The following GRIA4 variants were observed in gnomAD, a reference collection of about 807,000 sequenced individuals.
GRIA4 encodes the protein glutamate ionotropic receptor AMPA type subunit 4, also known as glutamate receptor 4.
GRIA4 carries 34 observed loss-of-function variants against 104.0 expected under a neutral mutation model. The observed-to-expected ratio is 0.33, with a 90% CI of 0.25 to 0.44. The LOEUF is 0.44. Ranked by LOEUF, GRIA4 falls within the 20% of genes least tolerant of loss-of-function variation. The probability of loss-of-function intolerance (pLI) is 1.00; values close to 1 mark genes in which losing one functional copy is unlikely to be tolerated. For synonymous variants in GRIA4, 386 were observed against 381.9 expected (o/e 1.01, Z -0.13); for missense variants, 750 against 1,096.5 (o/e 0.68, Z 4.46).
intron 3 of GRIA4, among the ~76,000 whole-genome samples, chr11:105,694,572 A>G (rs1225066078): frequency 1.3e-5 from 2 of 152,088 alleles, no homozygotes; most frequent in Non-Finnish European, 2.9e-5. Flanking sequence ...ATTCTTTAAA[A>G]TCTTCAAAAT....
At chr11:105,937,862 TG>T (rs1948085464) in intron 14 of GRIA4, among the ~76,000 whole-genome samples, 1 of 152,186 alleles carries the variant, frequency 6.6e-6, no homozygotes, top group Non-Finnish European at 1.5e-5. Context: ...CAGTTGTACT[TG>T]GCAATGCCAA....
At chr11:105,794,442 TG>T (rs1942362848) in intron 4 of GRIA4, among the ~76,000 whole-genome samples, 1 of 121,874 alleles carries the variant, frequency 8.2e-6, no homozygotes, top group Non-Finnish European at 1.7e-5. Flanking sequence ...GGTGTGTGTG[TG>T]TGTGTGTGTC....
At chr11:105,749,456 G>C (rs1939869235) in intron 3 of GRIA4, among the ~76,000 whole-genome samples, 2 of 152,250 alleles carry the variant, frequency 1.3e-5, no homozygotes, top group South Asian at 4.1e-4. Context: ...ACAGGAGAAA[G>C]AGAAGGGCCA....
intron 4 of GRIA4, among the ~76,000 whole-genome samples, chr11:105,852,390 A>G (rs1944843695): frequency 2.0e-5 from 3 of 152,190 alleles, no homozygotes; most frequent in Non-Finnish European, 4.4e-5. Flanking sequence ...TATAGAAAAG[A>G]TTATCATGAC....
At chr11:105,744,431 A>G (rs1939518282) in intron 3 of GRIA4, among the ~76,000 whole-genome samples, 1 of 152,184 alleles carries the variant, frequency 6.6e-6, no homozygotes. Context: ...AGTTATATTC[A>G]TATCGAAAAA....
intron 3 of GRIA4, among the ~76,000 whole-genome samples, chr11:105,631,512 T>C (rs778181310): frequency 1.3e-5 from 2 of 152,248 alleles, no homozygotes; most frequent in East Asian, 3.8e-4. Flanking sequence ...TATTGTCTCA[T>C]AGATAACAAA....
intron 4 of GRIA4, among the ~76,000 whole-genome samples, chr11:105,816,512 T>A (rs938654925): frequency 6.6e-6 from 1 of 152,166 alleles, no homozygotes; most frequent in African/African-American, 2.4e-5. Context: ...TCTGCTATGA[T>A]TGTAAGCTTC....
chr11:105,687,642 C>T (rs1390272982), intron 3 of GRIA4, among the ~76,000 whole-genome samples: 1 of 152,154 alleles, frequency 6.6e-6, no homozygotes, highest in Non-Finnish European at 1.5e-5. Flanking sequence ...AGATATAAAG[C>T]ATCTTGGACA....
At chr11:105,884,493 T>C (rs907242998) in intron 5 of GRIA4, among the ~76,000 whole-genome samples, 1 of 152,200 alleles carries the variant, frequency 6.6e-6, no homozygotes, top group African/African-American at 2.4e-5. Flanking sequence ...TCGAATTTTT[T>C]CACAAAGAAA....
chr11:105,815,935 G>T (rs1263405686), intron 4 of GRIA4, among the ~76,000 whole-genome samples: 1 of 152,122 alleles, frequency 6.6e-6, no homozygotes, highest in East Asian at 1.9e-4. Context: ...TTCCAGGAAT[G>T]AATTTAATTA....
intron 3 of GRIA4, among the ~76,000 whole-genome samples, chr11:105,710,887 T>C (rs965801246): frequency 1.8e-4 from 28 of 152,252 alleles, no homozygotes; most frequent in African/African-American, 6.0e-4. Context: ...AAATGGGTTA[T>C]ATTTTCATTT....
At chr11:105,759,888 C>G (rs1430885828) in intron 4 of GRIA4, among the ~76,000 whole-genome samples, 3 of 152,100 alleles carry the variant, frequency 2.0e-5, no homozygotes, top group Non-Finnish European at 2.9e-5. Flanking sequence ...ATGTCTTCAT[C>G]ATCAGGCTTT....
chr11:105,929,621 T>C (rs1468325522), intron 13 of GRIA4, among the ~76,000 whole-genome samples: 2 of 152,136 alleles, frequency 1.3e-5, no homozygotes, highest in East Asian at 3.9e-4. Context: ...AGTGAAACTG[T>C]GAATGCATAA....
At chr11:105,836,878 C>T (rs973898979) in intron 4 of GRIA4, among the ~76,000 whole-genome samples, 2 of 152,156 alleles carry the variant, frequency 1.3e-5, no homozygotes, top group African/African-American at 2.4e-5. Context: ...TGTATGATAA[C>T]CCAATCAACA....
intron 6 of GRIA4, among the ~76,000 whole-genome samples, chr11:105,893,064 G>T (rs1197907263): frequency 2.0e-5 from 3 of 152,064 alleles, no homozygotes; most frequent in African/African-American, 7.2e-5. Context: ...ACTACAAATA[G>T]AAATTAAAGA....
chr11:105,644,554 A>G (rs1221269597), intron 3 of GRIA4, among the ~76,000 whole-genome samples: 1 of 152,188 alleles, frequency 6.6e-6, no homozygotes, highest in Non-Finnish European at 1.5e-5. Context: ...CAGTGAGCTG[A>G]GATCGTGCAA....
intron 4 of GRIA4, among the ~76,000 whole-genome samples, chr11:105,796,600 A>G (rs1942488210): frequency 6.6e-6 from 1 of 152,198 alleles, no homozygotes; most frequent in Non-Finnish European, 1.5e-5. Context: ...GAGGTGCAAA[A>G]GAAAACAAGT....
At chr11:105,715,266 G>A (rs776028063) in intron 3 of GRIA4, among the ~76,000 whole-genome samples, 3 of 152,120 alleles carry the variant, frequency 2.0e-5, no homozygotes, top group Non-Finnish European at 4.4e-5. Flanking sequence ...CTGAAGGCAC[G>A]TTGTTGAGGA....
intron 14 of GRIA4, among the ~76,000 whole-genome samples, chr11:105,956,868 G>A (rs1452260077): frequency 6.6e-6 from 1 of 152,182 alleles, no homozygotes; most frequent in Non-Finnish European, 1.5e-5. Context: ...GTGATGATGA[G>A]CATTTTTTCA....
Sources: gnomAD v4.1 joint callset for allele counts (sites outside exome capture counted in the v4.1 genomes callset) on GRCh38, gnomAD v4.1.1 for gene constraint, MANE v1.5 for transcripts, NCBI Gene and HGNC (gene_info 2026-07-23, HGNC 2026-07-21) for gene names.